PROKR1: variants seen among roughly 807,000 people sequenced by gnomAD.
PROKR1 encodes prokineticin receptor 1.
Under a neutral mutation model 22.8 loss-of-function variants are expected in PROKR1, and 21 were observed. The observed-to-expected ratio is 0.92, with a 90% CI of 0.65 to 1.32. The LOEUF is 1.32. Among genes scored for constraint, PROKR1 ranks in the 40% most tolerant of loss-of-function variants. The pLI is 0.00. For synonymous variants in PROKR1, 193 were observed against 207.5 expected, an observed-to-expected ratio of 0.93 and a Z score of 0.60; for missense variants, 548 against 514.2, an observed-to-expected ratio of 1.07 and a Z score of -0.64.
intron 2 of PROKR1, among the ~76,000 whole-genome samples, 180 bp downstream of exon 2, chr2:68,646,486 C>T (rs898340065): frequency 6.6e-6 from 1 of 152,198 alleles, no homozygotes; most frequent in African/African-American, 2.4e-5. Flanking sequence ...TCTCCTTTTC[C>T]AGCTTTGTTC....
chr2:68,655,580 C>T lies in PROKR1; in HGVS notation c.*4C>T, dbSNP rs998802192. 2 of 1,613,070 alleles carry T rather than the reference C, an allele frequency of 1.2e-6. No homozygotes were observed. Among genetic ancestry groups the T allele is most frequent in the Non-Finnish European group, 1.7e-6 (2 of 1,179,716 alleles). On this transcript the variant is annotated 3_prime_UTR_variant, in exon 3 of 3. Transcript: ENST00000303786. ...GGACTGCATCAGACTAAAATAACCC[C>T]CTGGACTTTGCAAAGTTTAAACACA...
chr2:68,654,783 G>T, intron 2 of PROKR1, 97 bp from the exon 3 acceptor site: 3 of 1,200,702 alleles, frequency 2.5e-6, no homozygotes, highest in Non-Finnish European at 3.6e-6. Flanking sequence ...CTCCAGCCTG[G>T]GTGACAGAGC....
At chr2:68,653,271 G>A (rs1430291302) in intron 2 of PROKR1, among the ~76,000 whole-genome samples, 2 of 152,170 alleles carry the variant, frequency 1.3e-5, no homozygotes, top group Non-Finnish European at 2.9e-5. Flanking sequence ...GCAGTCGGCC[G>A]GGCGTCCAGA....
chr2:68,648,605 T>C (rs772569298), intron 2 of PROKR1, among the ~76,000 whole-genome samples: 14 of 152,258 alleles, frequency 9.2e-5, no homozygotes, highest in Non-Finnish European at 1.9e-4. Context: ...TTTGTGATCT[T>C]TGCTGCAATT....
intron 2 of PROKR1, among the ~76,000 whole-genome samples, chr2:68,647,345 A>G (rs945322235): frequency 2.0e-5 from 3 of 152,120 alleles, no homozygotes; most frequent in Non-Finnish European, 4.4e-5. Flanking sequence ...CCACAGCTGG[A>G]CTGTCATTAC....
intron 2 of PROKR1, among the ~76,000 whole-genome samples, chr2:68,650,970 G>C (rs59109087): frequency 6.6e-6 from 1 of 152,062 alleles, no homozygotes. Context: ...GGGATGTCAG[G>C]TATGGGTAAG....
At position 68,646,188 on chromosome 2, in the gene PROKR1, T is replaced by C. The variant is rs780094595; in HGVS notation, c.367T>C (p.Tyr123His). 16 of 1,609,650 alleles carry C rather than the reference T, an allele frequency of 9.9e-6. No homozygotes were observed. Among genetic ancestry groups the C allele is most frequent in the Non-Finnish European group, 1.3e-5 (15 of 1,177,368 alleles). ...IVCCPFEMDY[Y>H]VVRQLSWEHG... ...CTGCTGCCCCTTTGAGATGGACTACTATGTGGTGCGCCAGCTCTCCTGGGA... is the reference window on the plus strand; with the variant it reads ...CTGCTGCCCCTTTGAGATGGACTACCATGTGGTGCGCCAGCTCTCCTGGGA... Residue 123 changes from tyrosine (Y) to histidine (H), a missense_variant, in exon 2 of 3, where the codon TAT becomes CAT. Physicochemically the swap from Tyr to His is moderately conservative, Grantham distance 83. Transcript: ENST00000303786.
chr2:68,655,748 C>A lies in PROKR1; in HGVS notation c.*172C>A. Reference sequence around the variant, plus strand: ...TCAGAGTTTCTAAAATGCATGTGACCAGACACTATCAACAGTGGCATTTGC... The same window carrying A: ...TCAGAGTTTCTAAAATGCATGTGACAAGACACTATCAACAGTGGCATTTGC... On this transcript the variant is annotated 3_prime_UTR_variant, in exon 3 of 3. Transcript: ENST00000303786. The A allele has an allele frequency of 3.0e-6, 2 of 668,960 alleles. No homozygotes were observed. The highest frequency in any genetic ancestry group is 1.8e-5 in the South Asian group (1 of 55,984). 41.4% of individuals were successfully genotyped at this position (668,960 alleles called of 1,614,324 possible).
rs2104180322 is a variant in PROKR1 at position 68,646,295 on chromosome 2, C to T, written c.474C>T (p.Ile158=). 26 of 1,614,212 alleles carry T rather than the reference C, an allele frequency of 1.6e-5. No individual in the cohort carries two copies. The highest frequency in any genetic ancestry group is 1.6e-4 in the Middle Eastern group (1 of 6,062). Residue 158 remains isoleucine, a synonymous_variant, in exon 2 of 3, where the codon ATC becomes ATT. Coordinates refer to ENST00000303786, the MANE Select transcript of PROKR1 (RefSeq NM_138964.4). ...TCTCCACCAATGCCCTGCTGGCCAT[C>T]GCCATTGACAGGTGAGTGCAGCAGC... The part of the protein sequence containing the change: ...LYVSTNALLA[I]AIDRYLAIVH...
rs1673483623 is a variant in PROKR1, at chr2:68,656,898, G to A, written c.*1322G>A. 1 of 152,314 alleles carries A rather than the reference G, an allele frequency of 6.6e-6. No homozygotes were observed. The highest frequency in any genetic ancestry group is 1.5e-5 in the Non-Finnish European group (1 of 68,118). The allele number at this position is 152,314 out of a possible 1,614,324, so 9.4% of individuals were successfully genotyped here. On this transcript the variant is annotated 3_prime_UTR_variant, in exon 3 of 3. Coordinates refer to ENST00000303786, the MANE Select transcript of PROKR1 (RefSeq NM_138964.4). Reference sequence around the variant, plus strand: ...TGCAGGTCAGATGCATCTTCCAGAAGTCTGGGCACCCAGGAAAGAAGGGGA... The same window carrying A: ...TGCAGGTCAGATGCATCTTCCAGAAATCTGGGCACCCAGGAAAGAAGGGGA...
rs1406554440 is a variant in PROKR1 at position 68,656,039 on chromosome 2, G to C, written c.*463G>C. 1 of 261,404 alleles carries C rather than the reference G, an allele frequency of 3.8e-6. No individual in the cohort carries two copies. The highest frequency in any genetic ancestry group is 7.4e-6 in the Non-Finnish European group (1 of 134,380). The allele number at this position is 261,404 out of a possible 1,614,324, so 16.2% of individuals were successfully genotyped here. The stretch of plus-strand genomic sequence containing the variant: ...GAGCAAGAATACGAAAGGGACTCTA[G>C]GCTCCTTCTGTAGCCCTTATCCTCT... On this transcript the variant is annotated 3_prime_UTR_variant, in exon 3 of 3. Transcript: ENST00000303786.
chr2:68,652,018 G>A (rs1003985883), intron 2 of PROKR1, among the ~76,000 whole-genome samples: 1 of 152,188 alleles, frequency 6.6e-6, no homozygotes, highest in Non-Finnish European at 1.5e-5. Context: ...AGGGCTGCTG[G>A]GATGCCAGGA....
rs1294122618 is a variant in PROKR1, at chr2:68,656,195, G to T, written c.*619G>T. ...CAGGCCCAGGGCTCTGCACATAGGT[G>T]GTAAGGCTCTTCATCAGAAGGACTG... On this transcript the variant is annotated 3_prime_UTR_variant, in exon 3 of 3. Coordinates refer to ENST00000303786, the MANE Select transcript of PROKR1 (RefSeq NM_138964.4). 6.2e-6 allele frequency: 1 copy of T among 160,568 alleles called. No individual in the cohort carries two copies. Among genetic ancestry groups the T allele is most frequent in the Non-Finnish European group, 1.4e-5 (1 of 72,876 alleles). The allele number at this position is 160,568 out of a possible 1,614,324, so 9.9% of individuals were successfully genotyped here.
chr2:68,654,957 C>T lies in PROKR1; in HGVS notation c.563C>T (p.Thr188Met), dbSNP rs780093103. 13 of 1,613,586 alleles carry T rather than the reference C, an allele frequency of 8.1e-6. No individual in the cohort carries two copies. In the East Asian group the frequency reaches 1.1e-4, roughly 14 times the overall value. Reference sequence around the variant, plus strand: ...ACTGGCCTGATTGCCTTGGTGTGGACGGTGTCCATCCTGATCGCCATCCCT... The same window carrying T: ...ACTGGCCTGATTGCCTTGGTGTGGATGGTGTCCATCCTGATCGCCATCCCT... Reference protein sequence around the residue: ...TATGLIALVWTVSILIAIPSA... With the variant: ...TATGLIALVWMVSILIAIPSA... The change falls in exon 3 of 3, where the codon ACG becomes ATG. Residue 188 changes from threonine to methionine, a missense_variant. Transcript: ENST00000303786.
rs945652457 is a variant in PROKR1 at position 68,656,718 on chromosome 2, A to G, written c.*1142A>G. The G allele has an allele frequency of 2.0e-5, 3 of 152,190 alleles. No homozygotes were observed. Among genetic ancestry groups the G allele is most frequent in the African/African-American group, 7.2e-5 (3 of 41,436 alleles). The allele number at this position is 152,190 out of a possible 1,614,324, so 9.4% of individuals were successfully genotyped here. On this transcript the variant is annotated 3_prime_UTR_variant, in exon 3 of 3. Transcript: ENST00000303786. ...CTCATCGATATGATTTGAGGGCAAG[A>G]TATCCTTATTACTGGCACCTGAATC...
At chr2:68,650,112 T>C (rs567375697) in intron 2 of PROKR1, among the ~76,000 whole-genome samples, 139 of 150,632 alleles carry the variant, frequency 9.2e-4, no homozygotes, top group Middle Eastern at 3.4e-3. Context: ...ATATACCTAA[T>C]GCTAGATGAC....
intron 2 of PROKR1, among the ~76,000 whole-genome samples, chr2:68,650,739 TA>T (rs1673298252): frequency 6.6e-6 from 1 of 152,072 alleles, no homozygotes; most frequent in African/African-American, 2.4e-5. Flanking sequence ...AGTTAAAGAA[TA>T]AGTAAAGGAT....
rs1164379850 is a variant in PROKR1, at chr2:68,646,317, C to T, written c.485+11C>T. ...CATCGCCATTGACAGGTGAGTGCAG[C>T]AGCAGTGGGGACAACAAAGGCGGTC... On this transcript the variant is annotated intron_variant, in intron 2 of 2. Transcript: ENST00000303786. 6.2e-7 allele frequency: 1 copy of T among 1,614,008 alleles called. No individual in the cohort carries two copies. Among genetic ancestry groups the T allele is most frequent in the Non-Finnish European group, 8.5e-7 (1 of 1,180,024 alleles).
At position 68,655,725 on chromosome 2, in the gene PROKR1, A is replaced by T. The variant is rs1673440632; in HGVS notation, c.*149A>T. 1 of 768,056 alleles carries T rather than the reference A, an allele frequency of 1.3e-6. No individual in the cohort carries two copies. Among genetic ancestry groups the T allele is most frequent in the Non-Finnish European group, 2.1e-6 (1 of 465,674 alleles). The allele number at this position is 768,056 out of a possible 1,614,324, so 47.6% of individuals were successfully genotyped here. Reference sequence around the variant, plus strand: ...TGTGAGCAATGTTTTCAAGGAGCTCAGAGTTTCTAAAATGCATGTGACCAG... The same window carrying T: ...TGTGAGCAATGTTTTCAAGGAGCTCTGAGTTTCTAAAATGCATGTGACCAG... On this transcript the variant is annotated 3_prime_UTR_variant, in exon 3 of 3. Coordinates refer to ENST00000303786, the MANE Select transcript of PROKR1 (RefSeq NM_138964.4).
Sources: gnomAD v4.1 joint callset for allele counts (sites outside exome capture counted in the v4.1 genomes callset) on GRCh38, gnomAD v4.1.1 for gene constraint, MANE v1.5 for transcripts, NCBI Gene and HGNC (gene_info 2026-07-23, HGNC 2026-07-21) for gene names.